The following PPP3CA variants were observed in gnomAD, a reference collection of about 807,000 sequenced individuals.
PPP3CA encodes the protein protein phosphatase 3 catalytic subunit alpha.
Under a neutral mutation model 66.5 loss-of-function variants are expected in PPP3CA, and 14 were observed. That is an observed-to-expected ratio of 0.21 (90% CI 0.14 to 0.33). The LOEUF (loss-of-function observed/expected upper bound fraction) is 0.33. Ranked by LOEUF, PPP3CA falls within the 10% of genes least tolerant of loss-of-function variation. PPP3CA has a pLI of 1.00. For synonymous variants in PPP3CA, 232 were observed against 226.2 expected (o/e 1.03, Z -0.23); for missense variants, 317 against 639.5 (o/e 0.50, Z 5.44).
At chr4:101,265,402 C>T (rs930468724) in intron 1 of PPP3CA, among the ~76,000 whole-genome samples, 1 of 152,182 alleles carries the variant, frequency 6.6e-6, no homozygotes, top group East Asian at 1.9e-4. Flanking sequence ...TGCCATAGCA[C>T]CCAGCCCATG....
intron 2 of PPP3CA, among the ~76,000 whole-genome samples, chr4:101,133,269 G>T (rs1414211199): frequency 1.3e-5 from 2 of 152,138 alleles, no homozygotes; most frequent in African/African-American, 4.8e-5. Context: ...GCAAGAGAAA[G>T]AAATAAAGGT....
intron 1 of PPP3CA, among the ~76,000 whole-genome samples, chr4:101,221,459 AT>A (rs3840154): frequency 0.66 from 100,134 of 151,286 alleles, 34,136 homozygotes; most frequent in Non-Finnish European, 0.74. Context: ...TAAAACGCAT[AT>A]TTTGAGAAGT....
intron 1 of PPP3CA, among the ~76,000 whole-genome samples, chr4:101,294,031 A>G (rs571550231): frequency 6.5e-4 from 99 of 152,364 alleles, no homozygotes; most frequent in Non-Finnish European, 1.3e-3. Context: ...TAACAAAGCA[A>G]TAAGGAAGAA....
intron 2 of PPP3CA, among the ~76,000 whole-genome samples, chr4:101,191,447 T>C (rs1232963950): frequency 6.6e-6 from 1 of 152,192 alleles, no homozygotes; most frequent in African/African-American, 2.4e-5. Context: ...CAAAATGATG[T>C]GTGGCTGCCA....
intron 1 of PPP3CA, among the ~76,000 whole-genome samples, chr4:101,292,116 ACAC>A (rs1728048229): frequency 6.7e-6 from 1 of 148,932 alleles, no homozygotes; most frequent in Admixed American, 6.6e-5. Context: ...ACACACACAC[ACAC>A]ACACACACAC....
chr4:101,342,467 G>C (rs939787585), intron 1 of PPP3CA, among the ~76,000 whole-genome samples: 2 of 152,012 alleles, frequency 1.3e-5, no homozygotes, highest in African/African-American at 4.8e-5. Context: ...AACTCGTAAC[G>C]AACAGGATGA....
At position 101,249,622 on chromosome 4, in the gene PPP3CA, G is replaced by C. The variant is rs537514678; in HGVS notation, c.59-53506C>G. ...TTTCCTGACATTTCAGTTATTACTG[G>C]GTTTTAAGTACATGGCAGAGAACTT... On this transcript the variant is annotated intron_variant, in intron 1 of 13. Transcript: ENST00000394854. Among the ~76,000 whole-genome samples, 39 of 152,080 alleles carry C rather than the reference G, an allele frequency of 2.6e-4. 1 individual carries two copies. In the South Asian group the frequency reaches 8.1e-3, roughly 32 times the overall value.
At chr4:101,162,037 C>T (rs747387896) in intron 2 of PPP3CA, among the ~76,000 whole-genome samples, 14 of 152,212 alleles carry the variant, frequency 9.2e-5, no homozygotes, top group South Asian at 2.1e-4. Flanking sequence ...GTCAGGAGTT[C>T]GAAACCGGCC....
intron 1 of PPP3CA, among the ~76,000 whole-genome samples, chr4:101,296,283 C>A (rs1728196130): frequency 6.6e-6 from 1 of 152,062 alleles, no homozygotes; most frequent in Admixed American, 6.5e-5. Context: ...CACAGTGGAA[C>A]ATAGAAAGTT....
At chr4:101,069,695 CA>C (rs1423676887) in intron 8 of PPP3CA, among the ~76,000 whole-genome samples, 4 of 152,078 alleles carry the variant, frequency 2.6e-5, no homozygotes, top group Non-Finnish European at 4.4e-5. Flanking sequence ...ACAGCAAGAC[CA>C]ACCCCTCTTC....
chr4:101,250,629 G>GA (rs1227508862), intron 1 of PPP3CA, among the ~76,000 whole-genome samples: 1 of 152,044 alleles, frequency 6.6e-6, no homozygotes, highest in African/African-American at 2.4e-5. Flanking sequence ...CCAATTAGGT[G>GA]AATCTCGTAG....
chr4:101,239,757 T>C (rs1260036795), intron 1 of PPP3CA, among the ~76,000 whole-genome samples: 1 of 151,992 alleles, frequency 6.6e-6, no homozygotes, highest in Non-Finnish European at 1.5e-5. Context: ...TATTCAGTAA[T>C]AAAAGTTGAG....
chr4:101,087,557 TG>T (rs1025487034), intron 6 of PPP3CA, among the ~76,000 whole-genome samples: 51 of 152,244 alleles, frequency 3.3e-4, no homozygotes, highest in African/African-American at 1.2e-3. Context: ...CTTATTTCAG[TG>T]GAATCATACA....
intron 1 of PPP3CA, among the ~76,000 whole-genome samples, chr4:101,323,871 G>A (rs527796151): frequency 2.0e-5 from 3 of 152,198 alleles, no homozygotes; most frequent in African/African-American, 7.2e-5. Flanking sequence ...CACTTTGGGA[G>A]GCCAAGGCAG....
At chr4:101,165,488 C>T (rs1198879383) in intron 2 of PPP3CA, among the ~76,000 whole-genome samples, 1 of 152,040 alleles carries the variant, frequency 6.6e-6, no homozygotes, top group Non-Finnish European at 1.5e-5. Flanking sequence ...CATACAGTCC[C>T]CTAACCTTTT....
At chr4:101,309,597 T>C (rs1728657367) in intron 1 of PPP3CA, among the ~76,000 whole-genome samples, 1 of 152,160 alleles carries the variant, frequency 6.6e-6, no homozygotes, top group South Asian at 2.1e-4. Flanking sequence ...TAAAGAAAGA[T>C]GTGCTGTTCT....
intron 3 of PPP3CA, among the ~76,000 whole-genome samples, chr4:101,108,326 T>G (rs1721509411): frequency 6.6e-6 from 1 of 152,226 alleles, no homozygotes; most frequent in African/African-American, 2.4e-5. Flanking sequence ...TTCCTGCTTA[T>G]TTGATCAACA....
intron 11 of PPP3CA, among the ~76,000 whole-genome samples, chr4:101,033,233 C>A (rs1018428453): frequency 1.3e-5 from 2 of 151,632 alleles, no homozygotes; most frequent in South Asian, 2.1e-4. Context: ...TACACATATA[C>A]ACAAACATAC....
chr4:101,166,690 A>G (rs1039467740), intron 2 of PPP3CA, among the ~76,000 whole-genome samples: 8 of 152,198 alleles, frequency 5.3e-5, no homozygotes, highest in Admixed American at 5.2e-4. Flanking sequence ...TATGAAGCCA[A>G]TATTTGAAAA....
Sources: allele counts gnomAD v4.1 joint callset (sites outside exome capture counted in the v4.1 genomes callset), GRCh38; gene constraint gnomAD v4.1.1; transcripts MANE v1.5; gene names NCBI Gene and HGNC (gene_info 2026-07-23, HGNC 2026-07-21).